LUZP2: variants seen among roughly 807,000 people sequenced by gnomAD.
The protein encoded by LUZP2 is leucine zipper protein 2.
LUZP2 carries 52 observed loss-of-function variants against 51.6 expected under a neutral mutation model. The ratio of observed to expected loss-of-function variants is 1.01; its 90% CI spans 0.81 to 1.27. The LOEUF (loss-of-function observed/expected upper bound fraction) is 1.27, where lower values mean the gene tolerates loss of function less well. Among genes scored for constraint, LUZP2 ranks in the 50% most tolerant of loss-of-function variants. The pLI is 0.00. For missense variants in LUZP2, 436 were observed against 395.4 expected (o/e 1.10, Z -0.87); for synonymous variants, 154 against 137.3 (o/e 1.12, Z -0.85).
intron 5 of LUZP2, among the ~76,000 whole-genome samples, chr11:24,883,040 A>C (rs1852537788): frequency 6.6e-6 from 1 of 152,022 alleles, no homozygotes; most frequent in African/African-American, 2.4e-5. Context: ...GAAAGAGAAA[A>C]TATGTCTTCT....
chr11:24,830,284 T>C (rs537615673), intron 5 of LUZP2, among the ~76,000 whole-genome samples: 36 of 152,380 alleles, frequency 2.4e-4, no homozygotes, highest in African/African-American at 8.4e-4. Context: ...TTCTTTCTCA[T>C]AAATTTCTTG....
intron 5 of LUZP2, among the ~76,000 whole-genome samples, chr11:24,827,517 A>G (rs572226531): frequency 2.6e-5 from 4 of 152,302 alleles, no homozygotes; most frequent in Admixed American, 6.5e-5. Flanking sequence ...AAATAATAGC[A>G]TACCGTGCTA....
intron 1 of LUZP2, among the ~76,000 whole-genome samples, chr11:24,603,001 T>C (rs1161265224): frequency 1.3e-5 from 2 of 151,874 alleles, no homozygotes; most frequent in Non-Finnish European, 2.9e-5. Context: ...AGTTTCATAA[T>C]GTACACATGT....
intron 8 of LUZP2, among the ~76,000 whole-genome samples, chr11:24,977,116 A>T (rs1303072823): frequency 6.6e-6 from 1 of 151,788 alleles, no homozygotes; most frequent in Non-Finnish European, 1.5e-5. Flanking sequence ...ATGCACAAGA[A>T]CACTGAATAT....
chr11:24,646,620 A>G (rs1855469537), intron 1 of LUZP2: 2 of 983,798 alleles, frequency 2.0e-6, no homozygotes, highest in South Asian at 4.7e-5. Context: ...TCAGGTATCA[A>G]TGATTTTCAT....
chr11:24,612,921 C>T (rs1286742172), intron 1 of LUZP2, among the ~76,000 whole-genome samples: 1 of 152,068 alleles, frequency 6.6e-6, no homozygotes, highest in Non-Finnish European at 1.5e-5. Context: ...TTCACTTGCT[C>T]TTTGCTTCCT....
At chr11:24,497,341 G>A in intron 1 of LUZP2, 36 bp downstream of exon 1, 4 of 1,457,458 alleles carry the variant, frequency 2.7e-6, no homozygotes, top group Non-Finnish European at 2.7e-6. Context: ...GAGGCCAGGG[G>A]CGCTGCCGGG....
At chr11:24,951,628 A>T (rs1317242329) in intron 7 of LUZP2, among the ~76,000 whole-genome samples, 1 of 151,112 alleles carries the variant, frequency 6.6e-6, no homozygotes, top group Non-Finnish European at 1.5e-5. Context: ...AATTAGCTCA[A>T]GTAAAATATA....
chr11:25,042,408 AG>A (rs1858097383), intron 9 of LUZP2, among the ~76,000 whole-genome samples: 1 of 152,196 alleles, frequency 6.6e-6, no homozygotes, highest in Non-Finnish European at 1.5e-5. Context: ...ACTTTTTATC[AG>A]AAAAGCTAAG....
chr11:24,821,615 T>C (rs1850360394), intron 5 of LUZP2, among the ~76,000 whole-genome samples: 1 of 152,168 alleles, frequency 6.6e-6, no homozygotes, highest in Non-Finnish European at 1.5e-5. Flanking sequence ...TATGTGGAAC[T>C]AGCTGATTTC....
intron 1 of LUZP2, among the ~76,000 whole-genome samples, chr11:24,651,655 G>A (rs1855626616): frequency 6.6e-6 from 1 of 152,074 alleles, no homozygotes; most frequent in Non-Finnish European, 1.5e-5. Context: ...AACTTGACTA[G>A]GCCAGATATT....
intron 5 of LUZP2, among the ~76,000 whole-genome samples, chr11:24,787,844 G>A (rs113176363): frequency 1.3e-5 from 2 of 152,132 alleles, no homozygotes; most frequent in African/African-American, 4.8e-5. Flanking sequence ...ACCTATGCTA[G>A]TCTTGAATTT....
At chr11:24,780,664 G>T (rs1246781202) in intron 5 of LUZP2, among the ~76,000 whole-genome samples, 1 of 152,082 alleles carries the variant, frequency 6.6e-6, no homozygotes, top group Admixed American at 6.6e-5. Flanking sequence ...GACAGGGCCA[G>T]ACTCCATATT....
chr11:24,826,190 A>AAAAATATATATAT (rs1215786412), intron 5 of LUZP2, among the ~76,000 whole-genome samples: 3,065 of 67,308 alleles, frequency 0.046, 242 homozygotes, highest in Non-Finnish European at 0.062. Flanking sequence ...AAAAAAAAAA[A>AAAAATATATATAT]ATATATATAT....
intron 5 of LUZP2, among the ~76,000 whole-genome samples, chr11:24,776,170 T>G (rs553262399): frequency 1.3e-5 from 2 of 152,294 alleles, no homozygotes; most frequent in Admixed American, 6.5e-5. Context: ...TAATTATCAC[T>G]TTTAGACAGT....
intron 9 of LUZP2, among the ~76,000 whole-genome samples, chr11:25,023,267 C>T (rs1043623942): frequency 1.3e-5 from 2 of 152,098 alleles, no homozygotes; most frequent in African/African-American, 4.8e-5. Flanking sequence ...GGCTGTGAAT[C>T]CATCTAATCC....
At chr11:24,777,594 A>G (rs1419984528) in intron 5 of LUZP2, among the ~76,000 whole-genome samples, 1 of 152,200 alleles carries the variant, frequency 6.6e-6, no homozygotes, top group African/African-American at 2.4e-5. Flanking sequence ...ACATATTTGT[A>G]CTAATCTCAA....
At position 25,081,634 on chromosome 11, in the gene LUZP2, A is replaced by G. The variant is rs2134068515; in HGVS notation, c.*2976A>G. ...TGAATGTGTCTATGAGAGAGGGGCC[A>G]TTTCTCACATATTTTAATTAACAAC... On this transcript the variant is annotated 3_prime_UTR_variant, in exon 12 of 12. Coordinates refer to ENST00000336930, the MANE Select transcript of LUZP2 (RefSeq NM_001009909.4). 1 of 152,236 alleles carries G rather than the reference A, an allele frequency of 6.6e-6. No individual in the cohort carries two copies. Among genetic ancestry groups the G allele is most frequent in the East Asian group, 1.9e-4 (1 of 5,176 alleles). 9.4% of individuals were successfully genotyped at this position (152,236 alleles called of 1,614,324 possible). A position where few individuals can be genotyped will look rare whatever the true frequency, so the allele number is the denominator to read the frequency against.
intron 4 of LUZP2, among the ~76,000 whole-genome samples, chr11:24,741,172 A>G (rs773092632): frequency 2.6e-5 from 4 of 152,046 alleles, no homozygotes; most frequent in Non-Finnish European, 5.9e-5. Flanking sequence ...ATACTGCTGC[A>G]TAGATTTTCA....
Sources: gnomAD v4.1 joint callset for allele counts (sites outside exome capture counted in the v4.1 genomes callset) on GRCh38, gnomAD v4.1.1 for gene constraint, MANE v1.5 for transcripts, NCBI Gene and HGNC (gene_info 2026-07-23, HGNC 2026-07-21) for gene names.